The following PRDM16 variants were observed in gnomAD, a reference collection of about 807,000 sequenced individuals.
The protein encoded by PRDM16 is histone-lysine N-methyltransferase PRDM16.
A neutral mutation model predicts 110.6 loss-of-function variants in PRDM16; 23 were observed. The ratio of observed to expected loss-of-function variants is 0.21; its 90% CI spans 0.15 to 0.29. The LOEUF is 0.29. Ranked by LOEUF, PRDM16 falls within the 10% of genes least tolerant of loss-of-function variation. PRDM16 has a pLI of 1.00. For synonymous variants in PRDM16, 799 were observed against 781.8 expected (o/e 1.02, Z -0.37); for missense variants, 1,615 against 1,794.3 (o/e 0.90, Z 1.81).
Position 3,264,498 on chromosome 1 carries a change from G to A in PRDM16, c.438+20361G>A, listed in dbSNP as rs1261061096. The stretch of plus-strand genomic sequence containing the variant: ...ACCCTAGGCCAGGAGGAGAGGAAAG[G>A]GGAGAGGCGCAGAGGGGCATCTGAG... On this transcript the variant is annotated intron_variant, in intron 3 of 16. Coordinates refer to ENST00000270722, the MANE Select transcript of PRDM16 (RefSeq NM_022114.4). Among the ~76,000 whole-genome samples, 6 of 151,206 alleles carry A rather than the reference G, an allele frequency of 4.0e-5. No homozygotes were observed. The East Asian group carries it at 9.8e-4, about 25-fold the overall frequency.
At chr1:3,329,460 T>G (rs1179614490) in intron 3 of PRDM16, among the ~76,000 whole-genome samples, 2 of 151,964 alleles carry the variant, frequency 1.3e-5, no homozygotes, top group Non-Finnish European at 2.9e-5. Context: ...AGGCCCAAGC[T>G]GTCTCCCAGG....
At chr1:3,413,472 A>G (rs867189980) in intron 9 of PRDM16, among the ~76,000 whole-genome samples, 1 of 151,988 alleles carries the variant, frequency 6.6e-6, no homozygotes, top group African/African-American at 2.4e-5. Flanking sequence ...TAATTTCTGG[A>G]CAGGTTTGCC....
At chr1:3,412,948 G>C (rs1019842306) in intron 9 of PRDM16, 148 bp downstream of exon 9, 6 of 683,736 alleles carry the variant, frequency 8.8e-6, no homozygotes, top group East Asian at 6.4e-5. Flanking sequence ...CCTGTTCTTG[G>C]GGGGGTCTGC....
intron 3 of PRDM16, among the ~76,000 whole-genome samples, chr1:3,321,804 G>A (rs1641758446): frequency 6.7e-6 from 1 of 150,068 alleles, no homozygotes. Context: ...GTGCGTGCGT[G>A]TGTGTAGGTG....
At chr1:3,318,761 C>T (rs2100444812) in intron 3 of PRDM16, among the ~76,000 whole-genome samples, 1 of 152,324 alleles carries the variant, frequency 6.6e-6, no homozygotes, top group South Asian at 2.1e-4. Context: ...AACTTATCCC[C>T]CCAGCATCAT....
At chr1:3,106,316 G>A (rs1041615774) in intron 1 of PRDM16, among the ~76,000 whole-genome samples, 6 of 152,200 alleles carry the variant, frequency 3.9e-5, no homozygotes, top group African/African-American at 1.4e-4. Context: ...TAGGAGGGAG[G>A]GGAGCTCCCT....
intron 3 of PRDM16, among the ~76,000 whole-genome samples, chr1:3,280,689 G>C (rs1032495181): frequency 6.6e-6 from 1 of 152,228 alleles, no homozygotes; most frequent in Non-Finnish European, 1.5e-5. Flanking sequence ...AGGCATGAAG[G>C]CTGTTGCTTA....
chr1:3,242,309 G>T (rs572796905), intron 2 of PRDM16, among the ~76,000 whole-genome samples: 212 of 152,330 alleles, frequency 1.4e-3, no homozygotes, highest in African/African-American at 4.7e-3. Flanking sequence ...GACTGGGGAG[G>T]CCCTGGTTCT....
At chr1:3,316,781 A>G (rs1326297862) in intron 3 of PRDM16, among the ~76,000 whole-genome samples, 1 of 151,002 alleles carries the variant, frequency 6.6e-6, no homozygotes, top group Non-Finnish European at 1.5e-5. Flanking sequence ...GACAGGAAAC[A>G]TTGACATGGT....
intron 1 of PRDM16, among the ~76,000 whole-genome samples, chr1:3,179,053 G>A (rs1225931380): frequency 1.3e-5 from 2 of 152,226 alleles, no homozygotes; most frequent in Non-Finnish European, 2.9e-5. Flanking sequence ...CGGGCCTTGA[G>A]GCCTGATGTT....
intron 8 of PRDM16, among the ~76,000 whole-genome samples, chr1:3,407,297 G>A (rs189169070): frequency 1.9e-3 from 285 of 152,242 alleles, no homozygotes; most frequent in African/African-American, 6.5e-3. Context: ...GGGTGACTCC[G>A]CCCCCAGCCT....
Position 3,120,852 on chromosome 1 carries a change from C to G in PRDM16, c.37+51556C>G, listed in dbSNP as rs540976353. ...CCCCAGAAAGAACCATTAGAAGCCC[C>G]TTTCCGCTTCTGCAGGGATTTGCAG... is the stretch of plus-strand genomic sequence containing the variant. On this transcript the variant is annotated intron_variant, in intron 1 of 16. Transcript: ENST00000270722. 5.9e-4 allele frequency among the ~76,000 whole-genome samples: 90 copies of G among 152,324 alleles called. No homozygotes were observed. In the Middle Eastern group the frequency reaches 0.01, roughly 17 times the overall value.
At chr1:3,380,490 C>T (rs549298813) in intron 3 of PRDM16, among the ~76,000 whole-genome samples, 4 of 152,226 alleles carry the variant, frequency 2.6e-5, no homozygotes, top group African/African-American at 9.6e-5. Context: ...AGAGGGGACC[C>T]CACCCGCAGG....
In PRDM16 at chr1:3,404,742, G is replaced by A. The variant is rs1569700588; in HGVS notation, c.888G>A (p.Leu296=). 6.2e-7 allele frequency: 1 copy of A among 1,613,338 alleles called. No homozygotes were observed. The highest frequency in any genetic ancestry group is 2.2e-5 in the East Asian group (1 of 44,880). Residue 296 remains leucine, a synonymous_variant, in exon 7 of 17, where the codon CTG becomes CTA. Transcript: ENST00000270722. ...CERMFPNKYS[L]EQHMVIHTEE... is the part of the protein sequence containing the mutation. Reference sequence around the variant, plus strand: ...GTGAGCCTCGTCCTCTGCGCAGCCTGGAGCAGCACATGGTCATCCACACGG... The same window carrying A: ...GTGAGCCTCGTCCTCTGCGCAGCCTAGAGCAGCACATGGTCATCCACACGG...
Position 3,251,987 on chromosome 1 carries a change from C to A in PRDM16, c.438+7850C>A, listed in dbSNP as rs564855867. Among the ~76,000 whole-genome samples, 5 of 152,350 alleles carry A rather than the reference C, an allele frequency of 3.3e-5. 1 individual carries two copies. In the South Asian group the frequency reaches 1.0e-3, roughly 32 times the overall value. The stretch of plus-strand genomic sequence containing the variant: ...GCCACGCCGCCTCCCTCCTAAGATA[C>A]CTGCCAAACCTCGTTACCACGATTC... On this transcript the variant is annotated intron_variant, in intron 3 of 16. Coordinates refer to ENST00000270722, the MANE Select transcript of PRDM16 (RefSeq NM_022114.4).
intron 3 of PRDM16, among the ~76,000 whole-genome samples, chr1:3,304,608 G>A (rs1287225586): frequency 2.6e-5 from 4 of 152,146 alleles, no homozygotes; most frequent in Non-Finnish European, 4.4e-5. Flanking sequence ...CGAGGAGCAC[G>A]GCCTGGAGTG....
chr1:3,283,983 G>A (rs1211502058), intron 3 of PRDM16, among the ~76,000 whole-genome samples: 1 of 152,240 alleles, frequency 6.6e-6, no homozygotes, highest in Non-Finnish European at 1.5e-5. Flanking sequence ...AGGGTTGGAA[G>A]TGCGCTGGGG....
chr1:3,429,975 C>A (rs1638723097), intron 14 of PRDM16, among the ~76,000 whole-genome samples: 3 of 152,194 alleles, frequency 2.0e-5, no homozygotes, highest in Admixed American at 2.0e-4. Context: ...GAGGCAGTGC[C>A]CCCGGGCGGA....
At chr1:3,345,208 T>C (rs1642337905) in intron 3 of PRDM16, among the ~76,000 whole-genome samples, 1 of 152,236 alleles carries the variant, frequency 6.6e-6, no homozygotes, top group Admixed American at 6.5e-5. Flanking sequence ...ACTGCTTTCC[T>C]TCAAGGGTTC....
Sources: gnomAD v4.1 joint callset for allele counts (sites outside exome capture counted in the v4.1 genomes callset) on GRCh38, gnomAD v4.1.1 for gene constraint, MANE v1.5 for transcripts, NCBI Gene and HGNC (gene_info 2026-07-23, HGNC 2026-07-21) for gene names.